The following SLC25A48 variants were observed in gnomAD, a reference collection of about 807,000 sequenced individuals.
SLC25A48 encodes the protein solute carrier family 25 member 48, also known as CTC-321K16.1.
Under a neutral mutation model 32.2 loss-of-function variants are expected in SLC25A48, and 29 were observed. That is an observed-to-expected ratio of 0.90 (90% CI 0.67 to 1.23). The LOEUF is 1.23. Ranked by LOEUF, SLC25A48 falls within the 50% of genes most tolerant of loss-of-function variation. The pLI, the probability that SLC25A48 is intolerant of heterozygous loss-of-function variation, is 0.00. For synonymous variants in SLC25A48, 164 were observed against 172.3 expected (o/e 0.95, Z 0.38); for missense variants, 399 against 422.7 (o/e 0.94, Z 0.49).
At chr5:135,879,171 T>A (rs1399893399) in intron 6 of SLC25A48, among the ~76,000 whole-genome samples, 4 of 152,150 alleles carry the variant, frequency 2.6e-5, no homozygotes, top group Non-Finnish European at 5.9e-5. Flanking sequence ...CCATTCTTCC[T>A]GAGCATGCAT....
At chr5:135,597,917 T>C (rs1254628844) in intron 1 of SLC25A48, among the ~76,000 whole-genome samples, 1 of 151,928 alleles carries the variant, frequency 6.6e-6, no homozygotes, top group African/African-American at 2.4e-5. Context: ...GGCAGGAGAA[T>C]CACTTGAACT....
At chr5:135,630,634 C>G (rs535066386) in intron 2 of SLC25A48, among the ~76,000 whole-genome samples, 1 of 107,462 alleles carries the variant, frequency 9.3e-6, no homozygotes. Context: ...GAGAGTCATG[C>G]TCTGTCTCCC....
chr5:135,734,428 AG>A (rs1335003573), intron 3 of SLC25A48, among the ~76,000 whole-genome samples: 2 of 152,144 alleles, frequency 1.3e-5, no homozygotes, highest in Non-Finnish European at 2.9e-5. Context: ...GGGAGTTTTA[AG>A]GGGTTTTGAA....
chr5:135,639,595 G>T (rs1420559301), intron 3 of SLC25A48, among the ~76,000 whole-genome samples: 3 of 152,048 alleles, frequency 2.0e-5, no homozygotes, highest in Admixed American at 2.0e-4. Flanking sequence ...GCTCAAAGAT[G>T]AATTATGATC....
chr5:135,869,795 C>T (rs949254113), intron 4 of SLC25A48, among the ~76,000 whole-genome samples: 1 of 152,122 alleles, frequency 6.6e-6, no homozygotes, highest in Admixed American at 6.5e-5. Context: ...GTCTTGTGCC[C>T]CCAAAGGTGG....
chr5:135,635,078 T>G (rs1752668196), intron 3 of SLC25A48: 1 of 152,418 alleles, frequency 6.6e-6, no homozygotes, highest in East Asian at 1.9e-4. Flanking sequence ...CTGTTCCACA[T>G]GGGAACAGGA....
At position 135,773,438 on chromosome 5, in the gene SLC25A48, G is replaced by A. The variant is rs547590700; in HGVS notation, c.-520-39085G>A. 2.0e-5 allele frequency among the ~76,000 whole-genome samples: 3 copies of A among 151,364 alleles called. No individual in the cohort carries two copies. The East Asian group carries it at 5.9e-4, about 30-fold the overall frequency. The stretch of plus-strand genomic sequence containing the variant: ...AGAGGATGATATTACTCGCAATAAC[G>A]CAGGGGGTGTACACCCTCCTGTGAT... On this transcript the variant is annotated intron_variant, in intron 3 of 10. Coordinates refer to the SLC25A48 transcript ENST00000646290.
intron 2 of SLC25A48, 81 bp from the exon 3 acceptor site, chr5:135,850,344 G>T: frequency 7.0e-7 from 1 of 1,422,456 alleles, no homozygotes; most frequent in South Asian, 1.2e-5. Flanking sequence ...TATGAGCAGG[G>T]CCTTTCCCTC....
At chr5:135,772,079 A>G (rs958148849) in intron 3 of SLC25A48, among the ~76,000 whole-genome samples, 17 of 151,394 alleles carry the variant, frequency 1.1e-4, no homozygotes, top group African/African-American at 3.9e-4. Flanking sequence ...GAAGGTGTAC[A>G]CCACCCTGTG....
chr5:135,754,572 T>A (rs1341435435), intron 3 of SLC25A48, among the ~76,000 whole-genome samples: 1 of 151,900 alleles, frequency 6.6e-6, no homozygotes, highest in Admixed American at 6.6e-5. Context: ...ATGATATGAA[T>A]GAAATATCAC....
intron 1 of SLC25A48, among the ~76,000 whole-genome samples, chr5:135,588,126 C>T (rs959517764): frequency 1.1e-4 from 17 of 152,186 alleles, no homozygotes; most frequent in African/African-American, 2.2e-4. Flanking sequence ...AGGCAGAGGC[C>T]GGAGAATTAA....
intron 1 of SLC25A48, among the ~76,000 whole-genome samples, chr5:135,589,787 T>A (rs1404199230): frequency 6.6e-6 from 1 of 152,190 alleles, no homozygotes; most frequent in Non-Finnish European, 1.5e-5. Flanking sequence ...CTCTGCCTCC[T>A]GGGTTCAAGC....
intron 1 of SLC25A48, 141 bp downstream of exon 1, chr5:135,835,034 C>A: frequency 2.1e-6 from 2 of 967,700 alleles, no homozygotes; most frequent in Non-Finnish European, 1.6e-6. Context: ...GAGTGCCCGG[C>A]CCCGAGATCC....
chr5:135,713,560 C>G (rs996754846), intron 3 of SLC25A48, among the ~76,000 whole-genome samples: 1 of 152,172 alleles, frequency 6.6e-6, no homozygotes, highest in Admixed American at 6.5e-5. Flanking sequence ...AACTAAGGCT[C>G]AAATAGGTCA....
intron 3 of SLC25A48, among the ~76,000 whole-genome samples, chr5:135,778,652 G>A (rs1580869494): frequency 6.7e-6 from 1 of 148,730 alleles, no homozygotes. Flanking sequence ...TGTGAGAGAG[G>A]GTGACATTGC....
At chr5:135,696,304 G>C (rs746444886) in intron 3 of SLC25A48, among the ~76,000 whole-genome samples, 1 of 152,180 alleles carries the variant, frequency 6.6e-6, no homozygotes, top group Non-Finnish European at 1.5e-5. Flanking sequence ...GGGGACATGC[G>C]TCATCTAGGG....
chr5:135,663,765 C>T (rs1443005261), intron 3 of SLC25A48, among the ~76,000 whole-genome samples: 2 of 152,148 alleles, frequency 1.3e-5, no homozygotes, highest in African/African-American at 4.8e-5. Flanking sequence ...TTATCTCTCA[C>T]CTCCACCTGT....
At chr5:135,603,056 G>T (rs552516472) in intron 1 of SLC25A48, among the ~76,000 whole-genome samples, 4 of 152,172 alleles carry the variant, frequency 2.6e-5, no homozygotes, top group Non-Finnish European at 5.9e-5. Flanking sequence ...GAACCTGTGC[G>T]CACGTCGGTT....
chr5:135,775,557 T>C (rs1477445449), intron 3 of SLC25A48, among the ~76,000 whole-genome samples: 1 of 151,698 alleles, frequency 6.6e-6, no homozygotes, highest in East Asian at 1.9e-4. Context: ...CCTCATGTGA[T>C]ATTGTTCCTA....
Sources: allele counts gnomAD v4.1 joint callset (sites outside exome capture counted in the v4.1 genomes callset), GRCh38; gene constraint gnomAD v4.1.1; transcripts MANE v1.5; gene names NCBI Gene and HGNC (gene_info 2026-07-23, HGNC 2026-07-21).